ANKS6: variants seen among roughly 807,000 people sequenced by gnomAD.
ANKS6 encodes the protein ankyrin repeat and sterile alpha motif domain containing 6.
ANKS6 carries 47 observed loss-of-function variants against 77.9 expected under a neutral mutation model. The observed-to-expected ratio is 0.60, with a 90% CI of 0.48 to 0.77. ANKS6 has a LOEUF of 0.77. Ranked by LOEUF, ANKS6 falls within the 30% of genes least tolerant of loss-of-function variation. ANKS6 has a pLI of 0.00. For missense variants in ANKS6, 1,150 were observed against 1,159.1 expected (o/e 0.99, Z 0.11); for synonymous variants, 488 against 501.7 (o/e 0.97, Z 0.37).
At chr9:98,785,027 G>A in intron 2 of ANKS6, 151 bp from the exon 3 acceptor site, 1 of 662,434 alleles carries the variant, frequency 1.5e-6, no homozygotes, top group South Asian at 1.9e-5. Context: ...AAATCCAGCA[G>A]CTCTTCTGGA....
rs1488836807 is a variant in ANKS6 at position 98,732,583 on chromosome 9, G to C, written c.*3936C>G. On this transcript the variant is annotated 3_prime_UTR_variant, in exon 15 of 15. Coordinates refer to ENST00000353234, the MANE Select transcript of ANKS6 (RefSeq NM_173551.5). ...GTCAGGGCAGAAGGGAGAGAAGAAAGAGAGATGAGAGATGAAAGGATTTAA... is the reference window on the plus strand; with the variant it reads ...GTCAGGGCAGAAGGGAGAGAAGAAACAGAGATGAGAGATGAAAGGATTTAA... The C allele has an allele frequency of 6.4e-7, 1 of 1,550,464 alleles. No homozygotes were observed.
chr9:98,783,956 T>C lies in ANKS6; in HGVS notation c.1109A>G (p.His370Arg), dbSNP rs1219577575. 4.4e-6 allele frequency: 7 copies of C among 1,590,296 alleles called. No individual in the cohort carries two copies. The highest frequency in any genetic ancestry group is 2.3e-5 in the East Asian group (1 of 44,056). The part of the protein sequence containing the change: ...GWTALMQATY[H>R]GNKEIVKYLL... ...AGGGCGTGGGGCTGGCACTGACCCA[T>C]GGTAGGTTGCCTGCATGAGGGCCGT... is the stretch of plus-strand genomic sequence containing the variant. Residue 370 changes from histidine to arginine, a missense_variant, in exon 4 of 15, where the codon CAT (histidine) becomes CGT (arginine). Coordinates refer to ENST00000353234, the MANE Select transcript of ANKS6 (RefSeq NM_173551.5).
intron 2 of ANKS6, among the ~76,000 whole-genome samples, chr9:98,789,525 G>A (rs1471090463): frequency 1.3e-5 from 2 of 151,986 alleles, no homozygotes; most frequent in Non-Finnish European, 2.9e-5. Context: ...AATGATCAGG[G>A]CAGAGGAGGT....
rs1290958947 is a variant in ANKS6, at chr9:98,735,140, T to C, written c.*1379A>G. On this transcript the variant is annotated 3_prime_UTR_variant, in exon 15 of 15. Transcript: ENST00000353234. ...GTGCAGCCTACCATCGACTGGGTACTTCCTGCAGACCCAGCACTTTGGGCA... is the reference window on the plus strand; with the variant it reads ...GTGCAGCCTACCATCGACTGGGTACCTCCTGCAGACCCAGCACTTTGGGCA... The C allele has an allele frequency of 5.3e-5, 52 of 985,356 alleles. No individual in the cohort carries two copies. Among genetic ancestry groups the C allele is most frequent in the Non-Finnish European group, 6.0e-5 (50 of 829,968 alleles). The allele number at this position is 985,356 out of a possible 1,614,324, so 61.0% of individuals were successfully genotyped here.
intron 10 of ANKS6, among the ~76,000 whole-genome samples, chr9:98,769,710 G>C (rs945075737): frequency 1.3e-5 from 2 of 152,190 alleles, no homozygotes; most frequent in African/African-American, 4.8e-5. Context: ...CCAACTAATA[G>C]CTATTTGACC....
At chr9:98,748,500 A>G (rs1832263233) in intron 13 of ANKS6, among the ~76,000 whole-genome samples, 1 of 152,176 alleles carries the variant, frequency 6.6e-6, no homozygotes, top group Non-Finnish European at 1.5e-5. Context: ...TCAGGTGATA[A>G]ACTTTTGGTA....
At chr9:98,761,856 CT>C (rs1237089483) in intron 11 of ANKS6, among the ~76,000 whole-genome samples, 2 of 152,122 alleles carry the variant, frequency 1.3e-5, no homozygotes, top group Non-Finnish European at 2.9e-5. Context: ...AGCCTGCCAA[CT>C]TTATTCTTTT....
chr9:98,755,399 A>T (rs1832645735), intron 12 of ANKS6, among the ~76,000 whole-genome samples: 1 of 152,126 alleles, frequency 6.6e-6, no homozygotes, highest in East Asian at 1.9e-4. Flanking sequence ...ACAGGCCTCT[A>T]GAGGGCAGTT....
chr9:98,774,609 G>A (rs1833825699), intron 8 of ANKS6, among the ~76,000 whole-genome samples: 1 of 152,198 alleles, frequency 6.6e-6, no homozygotes. Context: ...GAAGAAGGAA[G>A]CAGGAGGTGA....
In ANKS6 at chr9:98,734,876, G is replaced by C. The variant is rs1831408469; in HGVS notation, c.*1643C>G. 1 of 985,458 alleles carries C rather than the reference G, an allele frequency of 1.0e-6. No individual in the cohort carries two copies. 61.0% of individuals were successfully genotyped at this position (985,458 alleles called of 1,614,324 possible). ...AGCTAAATGAAACACTTTGTCTTCA[G>C]TCCTGTGGAAAGTTGGCTTCTGTGA... On this transcript the variant is annotated 3_prime_UTR_variant, in exon 15 of 15. Transcript: ENST00000353234.
chr9:98,765,557 G>A (rs1833231719), intron 11 of ANKS6, among the ~76,000 whole-genome samples: 1 of 152,168 alleles, frequency 6.6e-6, no homozygotes, highest in Admixed American at 6.5e-5. Flanking sequence ...TGATCCTGCA[G>A]ACCAGAGAAC....
At chr9:98,795,393 G>A (rs1004794083) in intron 1 of ANKS6, among the ~76,000 whole-genome samples, 2 of 151,888 alleles carry the variant, frequency 1.3e-5, no homozygotes, top group Non-Finnish European at 1.5e-5. Flanking sequence ...CACCTTCCAT[G>A]ACTCCCTAGC....
Position 98,733,051 on chromosome 9 carries a change from C to T in ANKS6, c.*3468G>A, listed in dbSNP as rs1408773474. On this transcript the variant is annotated 3_prime_UTR_variant, in exon 15 of 15. Coordinates refer to ENST00000353234, the MANE Select transcript of ANKS6 (RefSeq NM_173551.5). Reference sequence around the variant, plus strand: ...TTCCCTGAGCTGTATACCCAGCAGGCTTCATCACCACACCATCTCACCGAC... The same window carrying T: ...TTCCCTGAGCTGTATACCCAGCAGGTTTCATCACCACACCATCTCACCGAC... 4 of 814,990 alleles carry T rather than the reference C, an allele frequency of 4.9e-6. No individual in the cohort carries two copies. The African/African-American group carries it at 7.5e-5, about 15-fold the overall frequency. 50.5% of individuals were successfully genotyped at this position (814,990 alleles called of 1,614,324 possible).
At chr9:98,758,034 T>C (rs917917910) in intron 11 of ANKS6, among the ~76,000 whole-genome samples, 3 of 152,230 alleles carry the variant, frequency 2.0e-5, no homozygotes, top group Non-Finnish European at 4.4e-5. Flanking sequence ...TTTGCATTCA[T>C]TGGTGAGTCT....
intron 4 of ANKS6, among the ~76,000 whole-genome samples, chr9:98,783,121 A>G (rs982498935): frequency 3.0e-4 from 41 of 135,564 alleles, no homozygotes; most frequent in African/African-American, 1.1e-3. Context: ...AAGGAAAAGG[A>G]AGGGGAGGGG....
rs1316842579 is a variant in ANKS6 at position 98,734,903 on chromosome 9, TG to T, written c.*1615del. 2 of 985,328 alleles carry T rather than the reference TG, an allele frequency of 2.0e-6. No individual in the cohort carries two copies. The highest frequency in any genetic ancestry group is 2.4e-6 in the Non-Finnish European group (2 of 829,932). The allele number at this position is 985,328 out of a possible 1,614,324, so 61.0% of individuals were successfully genotyped here. On this transcript the variant is annotated 3_prime_UTR_variant, in exon 15 of 15. Transcript: ENST00000353234. Reference sequence around the variant, plus strand: ...CCTGTGGAAAGTTGGCTTCTGTGAGTGTAAGGCTGAGAGAATTTAAAGGAAA... The same window carrying T: ...CCTGTGGAAAGTTGGCTTCTGTGAGTTAAGGCTGAGAGAATTTAAAGGAAA...
intron 1 of ANKS6, among the ~76,000 whole-genome samples, chr9:98,792,114 A>G (rs1834933799): frequency 6.6e-6 from 1 of 151,738 alleles, no homozygotes; most frequent in Non-Finnish European, 1.5e-5. Context: ...TGCTTTGCCA[A>G]CCTCACTTCC....
At chr9:98,771,960 T>C (rs867379367) in intron 9 of ANKS6, among the ~76,000 whole-genome samples, 1 of 152,138 alleles carries the variant, frequency 6.6e-6, no homozygotes, top group Non-Finnish European at 1.5e-5. Flanking sequence ...GCCAGCTCCA[T>C]GGGGACTTGG....
At chr9:98,751,978 C>T (rs527485743) in intron 12 of ANKS6, among the ~76,000 whole-genome samples, 20 of 152,228 alleles carry the variant, frequency 1.3e-4, no homozygotes, top group African/African-American at 4.1e-4. Flanking sequence ...CCCAGCAACT[C>T]GGGAGGCTGA....
Sources: allele counts gnomAD v4.1 joint callset (sites outside exome capture counted in the v4.1 genomes callset), GRCh38; gene constraint gnomAD v4.1.1; transcripts MANE v1.5; gene names NCBI Gene and HGNC (gene_info 2026-07-23, HGNC 2026-07-21).